MCF2: variants seen among roughly 807,000 people sequenced by gnomAD.
The protein encoded by MCF2 is proto-oncogene DBL.
Under a neutral mutation model 82.5 loss-of-function variants are expected in MCF2, and 44 were observed. The observed-to-expected ratio is 0.53, with a 90% CI of 0.42 to 0.69. MCF2 has a LOEUF of 0.69. Ranked by LOEUF, MCF2 falls within the 30% of genes least tolerant of loss-of-function variation. The pLI is 0.00. For missense variants in MCF2, 623 were observed against 663.1 expected, an observed-to-expected ratio of 0.94 and a Z score of 0.66; for synonymous variants, 217 against 224.9, an observed-to-expected ratio of 0.96 and a Z score of 0.32.
At chrX:139,652,108 T>C (rs993933238) in intron 1 of MCF2, among the ~76,000 whole-genome samples, 1 of 112,119 alleles carries the variant, frequency 8.9e-6, no homozygotes, top group Admixed American at 9.5e-5. Context: ...TAGATGGTCA[T>C]GGGGAGACAC....
At chrX:139,678,271 T>G (rs1217286760) in intron 1 of MCF2, among the ~76,000 whole-genome samples, 1 of 111,976 alleles carries the variant, frequency 8.9e-6, no homozygotes, top group African/African-American at 3.2e-5. Context: ...AGCCAACAAA[T>G]AATAGCAGTT....
intron 19 of MCF2, among the ~76,000 whole-genome samples, chrX:139,593,367 C>T (rs1329233098): frequency 1.8e-5 from 2 of 111,171 alleles, no homozygotes; most frequent in African/African-American, 6.5e-5. Flanking sequence ...AGACCAATAA[C>T]AGGCTCTGAA....
chrX:139,693,370 A>G (rs1935316460), intron 1 of MCF2, among the ~76,000 whole-genome samples: 1 of 110,621 alleles, frequency 9.0e-6, no homozygotes, highest in Non-Finnish European at 1.9e-5. Flanking sequence ...AGGAGAGTGG[A>G]TTAATATTAT....
intron 2 of MCF2, among the ~76,000 whole-genome samples, chrX:139,649,951 TA>T (rs1933937598): frequency 8.9e-6 from 1 of 112,187 alleles, no homozygotes; most frequent in Admixed American, 9.5e-5. Flanking sequence ...CTGCCACTTA[TA>T]AAATAAAACA....
upstream of MCF2, among the ~76,000 whole-genome samples, chrX:139,644,414 G>A (rs946111293): frequency 8.9e-6 from 1 of 112,068 alleles, no homozygotes; most frequent in African/African-American, 3.2e-5. Context: ...AAATGTGAAT[G>A]CTTTTGAAAA....
At chrX:139,598,016 C>T (rs1436067242) in intron 17 of MCF2, among the ~76,000 whole-genome samples, 1 of 111,934 alleles carries the variant, frequency 8.9e-6, no homozygotes, top group Non-Finnish European at 1.9e-5. Flanking sequence ...GCAATCCTTT[C>T]GCATTATACT....
exon 1 of MCF2, chrX:139,642,794 T>C: frequency 1.0e-6 from 1 of 1,004,968 alleles, no homozygotes; most frequent in Non-Finnish European, 1.3e-6. Flanking sequence ...TGATTGAACC[T>C]TGTGGATTAG....
chrX:139,634,366 G>T (rs934793182), intron 1 of MCF2, among the ~76,000 whole-genome samples: 6 of 111,351 alleles, frequency 5.4e-5, no homozygotes, highest in East Asian at 2.8e-4. Flanking sequence ...ACTTAAAACT[G>T]CTCTAAAAAA....
At chrX:139,620,555 T>C (rs975970246) in intron 6 of MCF2, among the ~76,000 whole-genome samples, 4 of 111,311 alleles carry the variant, frequency 3.6e-5, no homozygotes, top group Admixed American at 1.9e-4. Flanking sequence ...CAGTAGCATT[T>C]CTATACACCA....
At chrX:139,601,123 T>A (rs762391503) in intron 16 of MCF2, among the ~76,000 whole-genome samples, 5 of 109,775 alleles carry the variant, frequency 4.6e-5, no homozygotes, top group African/African-American at 1.7e-4. Flanking sequence ...GAATGGAAAA[T>A]AGAAAAGATA....
At position 139,587,368 on chromosome X, in the gene MCF2, A is replaced by G. The variant is rs1290097673; in HGVS notation, c.2522+348T>C. Among the ~76,000 whole-genome samples the G allele has an allele frequency of 3.6e-5, 4 of 110,705 alleles. No individual in the cohort carries two copies. The East Asian group carries it at 1.1e-3, about 32-fold the overall frequency. ...TCATTTGCTCTATTCCCATATTCTT[A>G]CAACCCTCTTTTTCCAGTCAGATCA... On this transcript the variant is annotated intron_variant, in intron 22 of 24. Transcript: ENST00000370576.
intron 19 of MCF2, among the ~76,000 whole-genome samples, 184 bp from the exon 24 acceptor site, chrX:139,590,111 A>G (rs1569342325): frequency 8.9e-6 from 1 of 111,750 alleles, no homozygotes; most frequent in Non-Finnish European, 1.9e-5. Context: ...TTTTCATTGA[A>G]CTATGCACTT....
chrX:139,597,664 T>C, intron 17 of MCF2, 79 bp from the exon 22 acceptor site: 1 of 818,875 alleles, frequency 1.2e-6, no homozygotes, highest in African/African-American at 2.1e-5. Context: ...GCTAACATGC[T>C]TTCAAGCTGG....
upstream of MCF2, among the ~76,000 whole-genome samples, chrX:139,647,098 A>G (rs762506735): frequency 5.3e-5 from 6 of 112,306 alleles, no homozygotes; most frequent in Non-Finnish European, 7.5e-5. Context: ...TTCTCAATAA[A>G]AAAAGAAAAA....
intron 6 of MCF2, among the ~76,000 whole-genome samples, chrX:139,620,199 A>G (rs1192177461): frequency 9.1e-6 from 1 of 110,141 alleles, no homozygotes; most frequent in Non-Finnish European, 1.9e-5. Flanking sequence ...TTTCCCAGAA[A>G]AAGAAACCAG....
intron 6 of MCF2, among the ~76,000 whole-genome samples, chrX:139,625,163 C>A (rs1932689341): frequency 9.0e-6 from 1 of 110,720 alleles, no homozygotes; most frequent in Non-Finnish European, 1.9e-5. Flanking sequence ...CTAAGACAAA[C>A]AACAATATTG....
chrX:139,695,967 T>C (rs779186313), intron 1 of MCF2, among the ~76,000 whole-genome samples: 2 of 112,033 alleles, frequency 1.8e-5, no homozygotes, highest in South Asian at 7.5e-4. Flanking sequence ...GTTTTTCAGG[T>C]CTGAAGAAAA....
At chrX:139,586,701 G>A (rs1817839460) in intron 22 of MCF2, among the ~76,000 whole-genome samples, 1 of 111,218 alleles carries the variant, frequency 9.0e-6, no homozygotes, top group African/African-American at 3.3e-5. Context: ...TCTCTATTAT[G>A]TAAGGAGAAA....
chrX:139,619,997 T>TTGTGTGTGTGTGTGTGTG (rs57662065), intron 6 of MCF2, among the ~76,000 whole-genome samples: 2 of 93,397 alleles, frequency 2.1e-5, no homozygotes, highest in Non-Finnish European at 4.4e-5. Flanking sequence ...ATATATACAT[T>TTGTGTGTGTGTGTGTGTG]TGTGTGTGTG....
Sources: allele counts gnomAD v4.1 joint callset (sites outside exome capture counted in the v4.1 genomes callset), GRCh38; gene constraint gnomAD v4.1.1; transcripts MANE v1.5; gene names NCBI Gene and HGNC (gene_info 2026-07-23, HGNC 2026-07-21).